Variants in TOX2 observed in about 807,000 individuals in gnomAD.
The protein encoded by TOX2 is TOX high mobility group box family member 2.
Under a neutral mutation model 47.4 loss-of-function variants are expected in TOX2, and 15 were observed. The ratio of observed to expected loss-of-function variants is 0.32; its 90% CI spans 0.21 to 0.49. TOX2 has a LOEUF of 0.49. TOX2 is among the 20% of genes least tolerant of loss of function. The pLI is 0.99. For synonymous variants in TOX2, 290 were observed against 296.6 expected (o/e 0.98, Z 0.23); for missense variants, 622 against 673.1 (o/e 0.92, Z 0.84).
chr20:43,981,934 TC>T (rs756767182), intron 2 of TOX2, among the ~76,000 whole-genome samples: 6 of 137,072 alleles, frequency 4.4e-5, no homozygotes, highest in African/African-American at 1.8e-4. Flanking sequence ...GAAGGGATTT[TC>T]TTTTTTTTTT....
rs745489872 is a variant in TOX2, at chr20:43,951,707, G to GGTTTTTTTTTTTTTTTTT, written c.100-21660_100-21659insGTTTTTTTTTTTTTTTTT. ...TGACCATTACTATTAAACTTATTAT[G>GGTTTTTTTTTTTTTTTTT]TTTTTTTTTTTTTTTTTTTTTAGAG... On this transcript the variant is annotated intron_variant, in intron 1 of 8. Coordinates refer to ENST00000341197, the MANE Select transcript of TOX2 (RefSeq NM_001098797.2). Among the ~76,000 whole-genome samples the GGTTTTTTTTTTTTTTTTT allele has an allele frequency of 5.1e-4, 28 of 55,088 alleles. 2 individuals are homozygous for GGTTTTTTTTTTTTTTTTT. Among genetic ancestry groups the GGTTTTTTTTTTTTTTTTT allele is most frequent in the African/African-American group, 1.4e-3 (26 of 18,506 alleles). The allele number at this position is 55,088 out of a possible 152,430, so 36.1% of individuals were successfully genotyped here.
chr20:43,940,214 C>T (rs546676641), intron 1 of TOX2, among the ~76,000 whole-genome samples: 3 of 151,642 alleles, frequency 2.0e-5, no homozygotes, highest in Non-Finnish European at 2.9e-5. Flanking sequence ...AATGGTGGGA[C>T]GTCACTTTTT....
intron 2 of TOX2, among the ~76,000 whole-genome samples, chr20:43,976,782 G>GCACACACACACACA (rs11086916): frequency 6.8e-6 from 1 of 146,434 alleles, no homozygotes; most frequent in African/African-American, 2.6e-5. Flanking sequence ...GAGCGCGCGC[G>GCACACACACACACA]CACACACACA....
chr20:43,929,922 A>C (rs1368085620), intron 1 of TOX2, among the ~76,000 whole-genome samples: 3 of 151,938 alleles, frequency 2.0e-5, no homozygotes, highest in Non-Finnish European at 4.4e-5. Flanking sequence ...GTTGGCCAGG[A>C]TGGTCTCAAT....
intron 1 of TOX2, among the ~76,000 whole-genome samples, chr20:43,935,565 A>C (rs1260574743): frequency 6.6e-6 from 1 of 151,680 alleles, no homozygotes; most frequent in African/African-American, 2.4e-5. Flanking sequence ...TATTACTATT[A>C]ACCATGTCAC....
intron 7 of TOX2, among the ~76,000 whole-genome samples, 171 bp from the exon 8 acceptor site, chr20:44,066,559 A>G (rs979414645): frequency 6.6e-6 from 1 of 152,224 alleles, no homozygotes; most frequent in African/African-American, 2.4e-5. Context: ...AGCCAAGACA[A>G]GGGTTGAACA....
chr20:43,919,947 G>A (rs1440828316), intron 1 of TOX2, among the ~76,000 whole-genome samples: 6 of 152,180 alleles, frequency 3.9e-5, no homozygotes, highest in African/African-American at 9.7e-5. Context: ...GGTTGATTCC[G>A]TGTCTTTTGT....
At position 44,064,812 on chromosome 20, in the gene TOX2, A is replaced by G. The variant is rs2071781959; in HGVS notation, c.915A>G (p.Glu305=). ...YKRKTEAAKK[E]YLKALAAYRA... is the part of the protein sequence containing the mutation. ...GGAAGACAGAAGCAGCAAAGAAGGA[A>G]TATCTGAAGGCCCTGGCAGCCTACC... The change falls in exon 6 of 9, where the codon GAA becomes GAG. Residue 305 remains glutamate, a synonymous_variant. Coordinates refer to ENST00000341197, the MANE Select transcript of TOX2 (RefSeq NM_001098797.2). The G allele has an allele frequency of 6.2e-7, 1 of 1,614,180 alleles. No homozygotes were observed. The highest frequency in any genetic ancestry group is 8.5e-7 in the Non-Finnish European group (1 of 1,180,026).
At chr20:43,938,659 C>T (rs1387380688) in intron 1 of TOX2, among the ~76,000 whole-genome samples, 6 of 152,170 alleles carry the variant, frequency 3.9e-5, no homozygotes, top group East Asian at 3.9e-4. Flanking sequence ...GCTCTTTACC[C>T]GGGATTCACA....
chr20:44,034,706 GAC>G (rs2071212701), intron 3 of TOX2, among the ~76,000 whole-genome samples: 1 of 152,198 alleles, frequency 6.6e-6, no homozygotes, highest in South Asian at 2.1e-4. Flanking sequence ...CCAGACTTGT[GAC>G]CTCTGCTTCT....
chr20:43,945,270 C>T (rs1569019984), intron 1 of TOX2, among the ~76,000 whole-genome samples: 1 of 152,136 alleles, frequency 6.6e-6, no homozygotes, highest in Non-Finnish European at 1.5e-5. Context: ...ACATATACAC[C>T]GTTATTGTTT....
Position 44,058,299 on chromosome 20 carries a change from G to A in TOX2, c.879+3773G>A, listed in dbSNP as rs553655052. Among the ~76,000 whole-genome samples the A allele has an allele frequency of 1.2e-4, 19 of 152,294 alleles. No homozygotes were observed. In the South Asian group the frequency reaches 3.7e-3, roughly 30 times the overall value. The stretch of plus-strand genomic sequence containing the variant: ...TGCATGGTGGGAGTGAGACCAGCCT[G>A]TGGCTGCCAGCTTTCCCTCACTTCC... On this transcript the variant is annotated intron_variant, in intron 5 of 8. Coordinates refer to ENST00000341197, the MANE Select transcript of TOX2 (RefSeq NM_001098797.2).
intron 3 of TOX2, among the ~76,000 whole-genome samples, chr20:44,024,674 A>G (rs1320122260): frequency 1.3e-5 from 2 of 152,190 alleles, no homozygotes; most frequent in East Asian, 3.8e-4. Flanking sequence ...AACAAATACA[A>G]AGAAGTAAAA....
chr20:44,011,434 G>A (rs1244339469), intron 3 of TOX2, among the ~76,000 whole-genome samples: 2 of 151,780 alleles, frequency 1.3e-5, no homozygotes, highest in African/African-American at 4.9e-5. Flanking sequence ...ATCAGTGTGT[G>A]GTGCTCTGTG....
intron 3 of TOX2, among the ~76,000 whole-genome samples, chr20:44,036,320 G>A (rs758451342): frequency 6.6e-6 from 1 of 152,238 alleles, no homozygotes; most frequent in Non-Finnish European, 1.5e-5. Context: ...TGCTGGGCAA[G>A]TGGGTGCAGC....
At chr20:43,949,055 C>T (rs1177386719) in intron 1 of TOX2, among the ~76,000 whole-genome samples, 1 of 152,172 alleles carries the variant, frequency 6.6e-6, no homozygotes, top group Non-Finnish European at 1.5e-5. Flanking sequence ...GTCCTCACCC[C>T]AGGGGCTCAT....
rs2145824425 is a variant in TOX2, at chr20:43,916,985, G to A, written c.99+1995G>A. 6.6e-6 allele frequency among the ~76,000 whole-genome samples: 1 copy of A among 152,302 alleles called. No individual in the cohort carries two copies. Among genetic ancestry groups the A allele is most frequent in the South Asian group, 2.1e-4 (1 of 4,830 alleles). On this transcript the variant is annotated intron_variant, in intron 1 of 8. Coordinates refer to ENST00000341197, the MANE Select transcript of TOX2 (RefSeq NM_001098797.2). This position sits in a 1 kb window ranked among gnomAD's most constrained non-coding sequence, Gnocchi z 5.0. Reference sequence around the variant, plus strand: ...CCGTCAGGGAGGGAATGAGAAGCCGGCGATTCTGGTTTCTTTCTGTGTGGG... The same window carrying A: ...CCGTCAGGGAGGGAATGAGAAGCCGACGATTCTGGTTTCTTTCTGTGTGGG...
intron 4 of TOX2, 29 bp from the exon 5 acceptor site, chr20:44,054,270 T>C: frequency 6.3e-7 from 1 of 1,579,316 alleles, no homozygotes; most frequent in East Asian, 2.3e-5. Flanking sequence ...TGGGCTTCTT[T>C]GGTTTTCTGA....
intron 1 of TOX2, among the ~76,000 whole-genome samples, chr20:43,933,823 C>T (rs1025015672): frequency 6.6e-6 from 1 of 151,988 alleles, no homozygotes; most frequent in Non-Finnish European, 1.5e-5. Flanking sequence ...ACTCAGCCCC[C>T]GGGGTGTGGG....
Sources: gnomAD v4.1 joint callset for allele counts (sites outside exome capture counted in the v4.1 genomes callset) on GRCh38, gnomAD v4.1.1 for gene constraint, Gnocchi (gnomAD v3.1) non-coding constraint, MANE v1.5 for transcripts, NCBI Gene and HGNC (gene_info 2026-07-23, HGNC 2026-07-21) for gene names.